Variants in CCDC85A observed in about 807,000 individuals in gnomAD.
CCDC85A encodes coiled-coil domain containing 85A, also known as coiled-coil domain-containing protein 85A.
In CCDC85A, 38 loss-of-function variants were observed where a neutral mutation model predicts 50.2. The ratio of observed to expected loss-of-function variants is 0.76; its 90% CI spans 0.58 to 0.99. CCDC85A has a LOEUF of 0.99. Among genes scored for constraint, CCDC85A ranks in the 50% least tolerant of loss-of-function variants. CCDC85A has a pLI of 0.00. For missense variants in CCDC85A, 820 were observed against 742.0 expected (o/e 1.11, Z -1.22); for synonymous variants, 366 against 301.4 (o/e 1.21, Z -2.22).
rs181983245 is a variant in CCDC85A, at chr2:56,247,422, G to T, written c.1240+53982G>T. ...ATTTTCCTTCTGCAATTTTTCCCCTGTATACATCATGCAACTGGCACTTTT... is the reference window on the plus strand; with the variant it reads ...ATTTTCCTTCTGCAATTTTTCCCCTTTATACATCATGCAACTGGCACTTTT... On this transcript the variant is annotated intron_variant, in intron 2 of 5. Coordinates refer to ENST00000407595, the MANE Select transcript of CCDC85A (RefSeq NM_001080433.2). Among the ~76,000 whole-genome samples, 586 of 152,200 alleles carry T rather than the reference G, an allele frequency of 3.9e-3. 2 individuals are homozygous for T. The highest frequency in any genetic ancestry group is 0.014 in the African/African-American group (566 of 41,520).
intron 5 of CCDC85A, among the ~76,000 whole-genome samples, chr2:56,377,594 C>T (rs1261304451): frequency 2.0e-5 from 3 of 152,166 alleles, no homozygotes; most frequent in Non-Finnish European, 2.9e-5. Context: ...CAAGGAAGAG[C>T]TCCTCAATTT....
At chr2:56,244,883 G>C (rs892461546) in intron 2 of CCDC85A, among the ~76,000 whole-genome samples, 1 of 152,034 alleles carries the variant, frequency 6.6e-6, no homozygotes, top group African/African-American at 2.4e-5. Context: ...GGCCTGGAAT[G>C]GGGGCCTCAC....
chr2:56,327,666 C>T (rs1185493308), intron 2 of CCDC85A, among the ~76,000 whole-genome samples: 4 of 151,886 alleles, frequency 2.6e-5, no homozygotes, highest in Non-Finnish European at 5.9e-5. Context: ...ATAGTTCACC[C>T]ACTTAGTATG....
At chr2:56,224,491 G>T (rs547844688) in intron 2 of CCDC85A, among the ~76,000 whole-genome samples, 1 of 152,204 alleles carries the variant, frequency 6.6e-6, no homozygotes, top group Admixed American at 6.5e-5. Context: ...TCAACATGTG[G>T]CAGCCACATG....
At chr2:56,215,233 T>C (rs916689214) in intron 2 of CCDC85A, among the ~76,000 whole-genome samples, 7 of 151,968 alleles carry the variant, frequency 4.6e-5, no homozygotes, top group African/African-American at 1.7e-4. Flanking sequence ...CTCTGACCTA[T>C]ACTTGCTTAC....
intron 2 of CCDC85A, among the ~76,000 whole-genome samples, chr2:56,307,070 C>A (rs1672478715): frequency 6.6e-6 from 1 of 152,128 alleles, no homozygotes; most frequent in Admixed American, 6.6e-5. Flanking sequence ...AATTCAGGAA[C>A]TACAGCCCAA....
At chr2:56,217,466 A>AGG (rs1476682567) in intron 2 of CCDC85A, among the ~76,000 whole-genome samples, 1 of 151,838 alleles carries the variant, frequency 6.6e-6, no homozygotes, top group Non-Finnish European at 1.5e-5. Flanking sequence ...GTTTTGAAGG[A>AGG]GGGGAGGAAT....
In CCDC85A at chr2:56,295,431, A is replaced by C. The variant is rs188788248; in HGVS notation, c.1241-47448A>C. Among the ~76,000 whole-genome samples the C allele has an allele frequency of 1.6e-4, 25 of 152,326 alleles. No homozygotes were observed. The East Asian group carries it at 4.6e-3, about 28-fold the overall frequency. On this transcript the variant is annotated intron_variant, in intron 2 of 5. Transcript: ENST00000407595. Reference sequence around the variant, plus strand: ...AGATTTTGCCTATGGCATAAATATAATTGATTAATAATATGCTGATAGCTT... The same window carrying C: ...AGATTTTGCCTATGGCATAAATATACTTGATTAATAATATGCTGATAGCTT...
chr2:56,297,177 C>T lies in CCDC85A; in HGVS notation c.1241-45702C>T, dbSNP rs928365914. ...GTCTGTAAGTGCATTACAAATGCTTCCCATAGTGGCACTAAAATGATTAGA... is the reference window on the plus strand; with the variant it reads ...GTCTGTAAGTGCATTACAAATGCTTTCCATAGTGGCACTAAAATGATTAGA... On this transcript the variant is annotated intron_variant, in intron 2 of 5. Coordinates refer to ENST00000407595, the MANE Select transcript of CCDC85A (RefSeq NM_001080433.2). Among the ~76,000 whole-genome samples, 4 of 152,056 alleles carry T rather than the reference C, an allele frequency of 2.6e-5. No individual in the cohort carries two copies. The South Asian group carries it at 8.3e-4, about 32-fold the overall frequency.
At chr2:56,382,665 A>G (rs763044519) in intron 5 of CCDC85A, among the ~76,000 whole-genome samples, 2 of 151,950 alleles carry the variant, frequency 1.3e-5, no homozygotes, top group Non-Finnish European at 1.5e-5. Context: ...TCCTGTGTCA[A>G]CCTTTGTATT....
chr2:56,283,461 G>T (rs1260089038), intron 2 of CCDC85A, among the ~76,000 whole-genome samples: 1 of 152,040 alleles, frequency 6.6e-6, no homozygotes, highest in Non-Finnish European at 1.5e-5. Flanking sequence ...ATTCCACTTG[G>T]TTATGAAAGT....
intron 2 of CCDC85A, among the ~76,000 whole-genome samples, chr2:56,324,617 A>T (rs1376464564): frequency 6.6e-6 from 1 of 152,108 alleles, no homozygotes; most frequent in African/African-American, 2.4e-5. Context: ...TTTAAAAATA[A>T]TTTTAATGTG....
chr2:56,299,389 A>G (rs1045136963), intron 2 of CCDC85A, among the ~76,000 whole-genome samples: 1 of 152,170 alleles, frequency 6.6e-6, no homozygotes, highest in Non-Finnish European at 1.5e-5. Context: ...TTCCTTGATT[A>G]GTCTTTTCTA....
intron 2 of CCDC85A, among the ~76,000 whole-genome samples, chr2:56,257,086 C>T (rs1410146600): frequency 1.3e-5 from 2 of 152,152 alleles, no homozygotes; most frequent in African/African-American, 4.8e-5. Flanking sequence ...TATGATAGAC[C>T]TCAGTTTGCT....
At chr2:56,197,060 C>G (rs1217843692) in intron 2 of CCDC85A, among the ~76,000 whole-genome samples, 1 of 152,134 alleles carries the variant, frequency 6.6e-6, no homozygotes. Context: ...CCATTTAGAA[C>G]TACTTTGGTC....
Position 56,193,334 on chromosome 2 carries a change from T to A in CCDC85A, c.1134T>A (p.Ser378Arg). The change falls in exon 2 of 6, where the codon AGT becomes AGA. Residue 378 changes from serine to arginine, a missense_variant. Coordinates refer to ENST00000407595, the MANE Select transcript of CCDC85A (RefSeq NM_001080433.2). ...CTGATCACAAACACGGAGGAGGCAG[T>A]GGAGGAAGTGGAGGCAGCGGCGGAG... is the stretch of plus-strand genomic sequence containing the variant. ...GSPDHKHGGG[S>R]GGSGGSGGGS... 1.2e-6 allele frequency: 2 copies of A among 1,611,930 alleles called. No homozygotes were observed. Among genetic ancestry groups the A allele is most frequent in the Non-Finnish European group, 1.7e-6 (2 of 1,179,002 alleles).
intron 2 of CCDC85A, among the ~76,000 whole-genome samples, chr2:56,226,729 C>T (rs1259340921): frequency 1.3e-5 from 2 of 152,028 alleles, no homozygotes; most frequent in African/African-American, 2.4e-5. Flanking sequence ...AGCCCTCCTA[C>T]TCTTCCCATC....
intron 2 of CCDC85A, among the ~76,000 whole-genome samples, chr2:56,278,555 T>C (rs1671065528): frequency 6.6e-6 from 1 of 152,070 alleles, no homozygotes; most frequent in Non-Finnish European, 1.5e-5. Context: ...GGGAGTAGCC[T>C]GGTCTATTTT....
intron 2 of CCDC85A, among the ~76,000 whole-genome samples, chr2:56,263,307 A>G (rs1325078430): frequency 1.3e-5 from 2 of 152,254 alleles, no homozygotes; most frequent in Non-Finnish European, 2.9e-5. Flanking sequence ...CATAAGTAAT[A>G]AAACTTGATT....
Sources: gnomAD v4.1 joint callset for allele counts (sites outside exome capture counted in the v4.1 genomes callset) on GRCh38, gnomAD v4.1.1 for gene constraint, MANE v1.5 for transcripts, NCBI Gene and HGNC (gene_info 2026-07-23, HGNC 2026-07-21) for gene names.